The following CD5 variants were observed in gnomAD, a reference collection of about 807,000 sequenced individuals.
CD5 encodes the protein CD5 molecule.
In CD5, 36 loss-of-function variants were observed where a neutral mutation model predicts 60.3. That is an observed-to-expected ratio of 0.60 (90% confidence interval 0.46 to 0.79). The LOEUF (loss-of-function observed/expected upper bound fraction) is 0.79, where lower values mean the gene tolerates loss of function less well. CD5 is among the 30% of genes least tolerant of loss of function. The pLI, the probability that CD5 is intolerant of heterozygous loss-of-function variation, is 0.00. For synonymous variants in CD5, 230 were observed against 257.6 expected, an observed-to-expected ratio of 0.89 and a Z score of 1.03; for missense variants, 540 against 630.6, an observed-to-expected ratio of 0.86 and a Z score of 1.54.
chr11:61,122,443 ATGGT>A (rs1288774639), intron 6 of CD5, among the ~76,000 whole-genome samples: 10 of 149,588 alleles, frequency 6.7e-5, no homozygotes, highest in African/African-American at 2.5e-4. Context: ...GGATGGATGG[ATGGT>A]TGGATGGATG....
chr11:61,103,527 A>G (rs1860730868), intron 1 of CD5, among the ~76,000 whole-genome samples: 2 of 147,550 alleles, frequency 1.4e-5, no homozygotes, highest in African/African-American at 5.4e-5. Flanking sequence ...TGCAGGTGTG[A>G]GTGTGGGGGA....
rs758369105 is a variant in CD5, at chr11:61,118,150, CCCA to C, written c.95-20_95-18del. 1.1e-4 allele frequency: 182 copies of C among 1,605,856 alleles called. 4 individuals carry two copies. The South Asian group carries it at 1.6e-3, about 14-fold the overall frequency. ...GTGGGGAACCCCTCCCAGCCTGACCCCCACCACACCTTTCTGACCCCCAGATTT... is the reference window on the plus strand; with the variant it reads ...GTGGGGAACCCCTCCCAGCCTGACCCCCACACCTTTCTGACCCCCAGATTT... On this transcript the variant is annotated intron_variant, in intron 2 of 10. Transcript: ENST00000347785. The surrounding 1 kb of genome is among the most constrained non-coding windows in gnomAD (Gnocchi z 4.7).
At chr11:61,122,011 AGT>A in intron 6 of CD5, 107 bp downstream of exon 6, 1 of 974,752 alleles carries the variant, frequency 1.0e-6, no homozygotes. Context: ...CTAGACAGAG[AGT>A]CCCAGAGACC....
upstream of CD5, among the ~76,000 whole-genome samples, chr11:61,101,423 ACACATCAACATGGAGATCACATTCACAC>A (rs1225304518): frequency 2.0e-5 from 3 of 147,980 alleles, no homozygotes; most frequent in Admixed American, 2.1e-4. Context: ...TCACATTCAC[ACACATCAACATGGAGATCACATTCACAC>A]ACACAAACAT....
At chr11:61,116,092 C>T (rs989233612) in intron 2 of CD5, among the ~76,000 whole-genome samples, 6 of 152,066 alleles carry the variant, frequency 3.9e-5, no homozygotes, top group Non-Finnish European at 5.9e-5. Flanking sequence ...GTGTCCTCGT[C>T]GGAAGAAAAG....
chr11:61,119,119 C>T, intron 4 of CD5, 115 bp from the exon 5 acceptor site: 1 of 1,207,808 alleles, frequency 8.3e-7, no homozygotes, highest in South Asian at 1.4e-5. Context: ...CCCATCACCT[C>T]CCAAGGCTAA....
chr11:61,115,068 T>C lies in CD5; in HGVS notation c.68T>C (p.Leu23Pro), dbSNP rs1271830676. ...YLLGMLVASC[L>P]GRLSWYDPDF... ...CTTCTTTCTGCAGTCGCTTCCTGCCTCGGACGGCTCAGCTGGTATGACCCA... is the reference window on the plus strand; with the variant it reads ...CTTCTTTCTGCAGTCGCTTCCTGCCCCGGACGGCTCAGCTGGTATGACCCA... Residue 23 changes from leucine (L) to proline (P), a missense_variant, in exon 2 of 11, where the codon CTC becomes CCC. Leu to Pro is a moderately conservative substitution (Grantham distance 98, BLOSUM62 -3). Coordinates refer to ENST00000347785, the MANE Select transcript of CD5 (RefSeq NM_014207.4). The C allele has an allele frequency of 6.4e-7, 1 of 1,558,692 alleles. No individual in the cohort carries two copies. Among genetic ancestry groups the C allele is most frequent in the African/African-American group, 1.4e-5 (1 of 73,530 alleles).
At chr11:61,119,652 G>A in intron 5 of CD5, 77 bp downstream of exon 5, 1 of 1,044,352 alleles carries the variant, frequency 9.6e-7, no homozygotes, top group Non-Finnish European at 1.4e-6. Flanking sequence ...AGAAGGTCAG[G>A]GAACATGTGT....
chr11:61,100,389 ACACAT>A (rs1860651597), upstream of CD5, among the ~76,000 whole-genome samples: 1 of 149,512 alleles, frequency 6.7e-6, no homozygotes, highest in African/African-American at 2.5e-5. Context: ...GATCACACAC[ACACAT>A]CAACATGGAG....
chr11:61,108,446 A>T (rs1005484071), intron 1 of CD5, among the ~76,000 whole-genome samples: 1 of 152,154 alleles, frequency 6.6e-6, no homozygotes, highest in Non-Finnish European at 1.5e-5. Flanking sequence ...TGTGTTTTGC[A>T]CATAAAAGCC....
intron 8 of CD5, 152 bp from the exon 9 acceptor site, chr11:61,124,880 G>A: frequency 1.3e-6 from 1 of 798,970 alleles, no homozygotes; most frequent in Non-Finnish European, 2.0e-6. Flanking sequence ...CAGGAAGAAA[G>A]GAGAGGGGGA....
chr11:61,113,971 C>T (rs1309822645), intron 1 of CD5, among the ~76,000 whole-genome samples: 2 of 152,162 alleles, frequency 1.3e-5, no homozygotes, highest in African/African-American at 4.8e-5. Flanking sequence ...TGCCCGGCCC[C>T]TTTCTGGATC....
rs1398940680 is a variant in CD5, at chr11:61,121,991, C to T, written c.1099+87C>T. The T allele has an allele frequency of 5.0e-6, 6 of 1,202,436 alleles. No homozygotes were observed. The South Asian group carries it at 5.8e-5, about 12-fold the overall frequency. 74.5% of individuals were successfully genotyped at this position (1,202,436 alleles called of 1,614,324 possible). ...CAGGGTGCATGTCTCTAAAGGGAAG[C>T]CCTGGGGAGCTAGACAGAGAGTCCC... On this transcript the variant is annotated intron_variant, in intron 6 of 10. Transcript: ENST00000347785.
intron 1 of CD5, among the ~76,000 whole-genome samples, chr11:61,114,576 G>T (rs1860909896): frequency 6.6e-6 from 1 of 152,166 alleles, no homozygotes; most frequent in Admixed American, 6.5e-5. Flanking sequence ...GGGAGGTTGA[G>T]GCTGCAGTGA....
At chr11:61,096,542 G>C in the CD5 span, among the ~76,000 whole-genome samples, 1 of 152,188 alleles carries the variant, frequency 6.6e-6, no homozygotes, top group Non-Finnish European at 1.5e-5. Flanking sequence ...CCTGCTCGGT[G>C]GGGGGACATG....
At chr11:61,115,294 G>T (rs771746960) in intron 2 of CD5, among the ~76,000 whole-genome samples, 200 bp downstream of exon 2, 7 of 152,096 alleles carry the variant, frequency 4.6e-5, no homozygotes, top group Non-Finnish European at 1.0e-4. Flanking sequence ...GCAGGTGGGT[G>T]CCCTCGACAG....
chr11:61,120,931 G>A (rs1861049627), intron 5 of CD5, among the ~76,000 whole-genome samples: 1 of 152,228 alleles, frequency 6.6e-6, no homozygotes, highest in African/African-American at 2.4e-5. Flanking sequence ...CTTTGAAGGT[G>A]GATGTTGCTA....
chr11:61,106,474 T>A (rs1468055880), intron 1 of CD5, among the ~76,000 whole-genome samples: 2 of 152,098 alleles, frequency 1.3e-5, no homozygotes, highest in Non-Finnish European at 2.9e-5. Context: ...GAGGCCCTGG[T>A]TGGATCATCC....
Position 61,119,528 on chromosome 11 carries a change from A to C in CD5, c.758A>C (p.Lys253Thr), listed in dbSNP as rs781545748. 6.2e-6 allele frequency: 10 copies of C among 1,613,722 alleles called. No individual in the cohort carries two copies. Among genetic ancestry groups the C allele is most frequent in the Non-Finnish European group, 8.5e-6 (10 of 1,179,984 alleles). ...SCTSLEHCFR[K>T]IKPQKSGRVL... The stretch of plus-strand genomic sequence containing the variant: ...ACCTCCCTGGAGCATTGCTTCAGGA[A>C]AATCAAGCCCCAGAAAAGTGGCCGA... The change falls in exon 5 of 11, where the codon AAA becomes ACA. Residue 253 changes from lysine to threonine, a missense_variant. Transcript: ENST00000347785.
Sources: gnomAD v4.1 joint callset for allele counts (sites outside exome capture counted in the v4.1 genomes callset) on GRCh38, gnomAD v4.1.1 for gene constraint, Gnocchi (gnomAD v3.1) non-coding constraint, MANE v1.5 for transcripts, NCBI Gene and HGNC (gene_info 2026-07-23, HGNC 2026-07-21) for gene names.